Variants in TECRL observed in about 807,000 individuals in gnomAD.
TECRL encodes the protein trans-2,3-enoyl-CoA reductase like.
A neutral mutation model predicts 52.8 loss-of-function variants in TECRL; 63 were observed. The ratio of observed to expected loss-of-function variants is 1.19; its 90% confidence interval spans 0.97 to 1.47. The LOEUF (loss-of-function observed/expected upper bound fraction) is 1.47, where lower values mean the gene tolerates loss of function less well. Ranked by LOEUF, TECRL falls within the 40% of genes most tolerant of loss-of-function variation. TECRL has a pLI of 0.00. For synonymous variants in TECRL, 164 were observed against 141.9 expected, an observed-to-expected ratio of 1.16 and a Z score of -1.10; for missense variants, 482 against 429.6, an observed-to-expected ratio of 1.12 and a Z score of -1.08.
chr4:64,293,143 A>G (rs912087764), intron 8 of TECRL, among the ~76,000 whole-genome samples: 1 of 152,138 alleles, frequency 6.6e-6, no homozygotes. Context: ...CATAAGGATA[A>G]ATACAAAATA....
chr4:64,341,977 T>C (rs575645465), intron 2 of TECRL, among the ~76,000 whole-genome samples: 1 of 152,176 alleles, frequency 6.6e-6, no homozygotes, highest in African/African-American at 2.4e-5. Context: ...CAGTTTCCCT[T>C]CGAGGTGTGG....
At chr4:64,346,068 C>A in intron 2 of TECRL, among the ~76,000 whole-genome samples, 1 of 151,896 alleles carries the variant, frequency 6.6e-6, no homozygotes, top group Non-Finnish European at 1.5e-5. Flanking sequence ...AACATTCTTT[C>A]CAGACAAATT....
intron 2 of TECRL, among the ~76,000 whole-genome samples, chr4:64,351,167 G>A (rs145564281): frequency 1.1e-4 from 16 of 150,666 alleles, no homozygotes; most frequent in Non-Finnish European, 2.1e-4. Flanking sequence ...GGCATGAAGA[G>A]AGATTGGTTA....
intron 7 of TECRL, among the ~76,000 whole-genome samples, chr4:64,303,814 C>T (rs978797672): frequency 1.1e-4 from 16 of 151,804 alleles, no homozygotes; most frequent in Admixed American, 7.2e-4. Flanking sequence ...ATGTATATTA[C>T]AACCATGTTA....
chr4:64,397,114 A>C (rs1410715124), intron 1 of TECRL, among the ~76,000 whole-genome samples: 1 of 152,172 alleles, frequency 6.6e-6, no homozygotes, highest in Non-Finnish European at 1.5e-5. Context: ...AACAACAAAA[A>C]AAAATTTATC....
At chr4:64,312,992 G>A (rs1388962324) in intron 5 of TECRL, among the ~76,000 whole-genome samples, 1 of 152,110 alleles carries the variant, frequency 6.6e-6, no homozygotes, top group Non-Finnish European at 1.5e-5. Flanking sequence ...ATAATTGTAA[G>A]TTTCTTGAGG....
At chr4:64,407,195 G>GAGC (rs1428560597) in intron 1 of TECRL, among the ~76,000 whole-genome samples, 1 of 151,932 alleles carries the variant, frequency 6.6e-6, no homozygotes, top group African/African-American at 2.4e-5. Context: ...AAAGGATTAT[G>GAGC]AGCTATCCAG....
At chr4:64,400,732 C>G (rs911652579) in intron 1 of TECRL, among the ~76,000 whole-genome samples, 8 of 152,154 alleles carry the variant, frequency 5.3e-5, no homozygotes, top group African/African-American at 1.9e-4. Flanking sequence ...CTCTCTTCCT[C>G]TTTTCTCCTG....
At chr4:64,291,973 T>C (rs932068186) in intron 8 of TECRL, among the ~76,000 whole-genome samples, 2 of 152,000 alleles carry the variant, frequency 1.3e-5, no homozygotes, top group Non-Finnish European at 2.9e-5. Flanking sequence ...TTAAGGATTT[T>C]AAAGAGCAAT....
intron 1 of TECRL, among the ~76,000 whole-genome samples, chr4:64,385,235 T>G (rs1175154102): frequency 6.6e-6 from 1 of 152,140 alleles, no homozygotes; most frequent in Non-Finnish European, 1.5e-5. Context: ...CTTAAGCTCC[T>G]GAACAGCATG....
At chr4:64,305,087 C>G in intron 7 of TECRL, 79 bp downstream of exon 7, 1 of 979,584 alleles carries the variant, frequency 1.0e-6, no homozygotes, top group South Asian at 2.1e-5. Context: ...TTTACTTATT[C>G]CTTTATGTAT....
chr4:64,327,485 G>T (rs984999438), intron 3 of TECRL, among the ~76,000 whole-genome samples: 1 of 152,046 alleles, frequency 6.6e-6, no homozygotes, highest in Non-Finnish European at 1.5e-5. Flanking sequence ...GTATTGAAAG[G>T]CACTTATGTG....
intron 1 of TECRL, among the ~76,000 whole-genome samples, chr4:64,378,292 T>G (rs2109693087): frequency 6.6e-6 from 1 of 152,112 alleles, no homozygotes; most frequent in South Asian, 2.1e-4. Context: ...TAGGCCAGAC[T>G]TGGTGGCTCA....
chr4:64,299,644 G>A (rs1427074723), intron 8 of TECRL, among the ~76,000 whole-genome samples: 1 of 150,884 alleles, frequency 6.6e-6, no homozygotes, highest in Admixed American at 6.6e-5. Flanking sequence ...TGGGGTGTTT[G>A]TCTGTAAGAT....
Position 64,378,944 on chromosome 4 carries a change from TA to T in TECRL, c.235-3722del, listed in dbSNP as rs1388664092. ...AAATTAGTTCTTTGTTAAGTAAAAC[TA>T]TATGTATATACATATATATGTATGC... is the stretch of plus-strand genomic sequence containing the variant. On this transcript the variant is annotated intron_variant, in intron 1 of 11. Transcript: ENST00000381210. 0.02 allele frequency among the ~76,000 whole-genome samples: 68 copies of T among 3,440 alleles called. No individual in the cohort carries two copies. The Middle Eastern group carries it at 0.5, about 25-fold the overall frequency. 2.3% of individuals were successfully genotyped at this position (3,440 alleles called of 152,430 possible).
At position 64,355,167 on chromosome 4, in the gene TECRL, T is replaced by A. The variant is rs115925360; in HGVS notation, c.286+20005A>T. On this transcript the variant is annotated intron_variant, in intron 2 of 11. Transcript: ENST00000381210. ...AGGAAACAGAGAAAAGTTGGATAGGTCATTATAAAACAAAGAAGAATGAAA... is the reference window on the plus strand; with the variant it reads ...AGGAAACAGAGAAAAGTTGGATAGGACATTATAAAACAAAGAAGAATGAAA... Among the ~76,000 whole-genome samples, 1,041 of 152,154 alleles carry A rather than the reference T, an allele frequency of 6.8e-3. 5 individuals carry two copies. The highest frequency in any genetic ancestry group is 0.012 in the Non-Finnish European group (828 of 68,004).
chr4:64,344,989 A>G (rs1401152374), intron 2 of TECRL, among the ~76,000 whole-genome samples: 1 of 152,206 alleles, frequency 6.6e-6, no homozygotes, highest in African/African-American at 2.4e-5. Context: ...GAGAAATGCA[A>G]ATCAAAACCA....
At chr4:64,383,588 T>G (rs1722965891) in intron 1 of TECRL, among the ~76,000 whole-genome samples, 1 of 152,036 alleles carries the variant, frequency 6.6e-6, no homozygotes, top group Non-Finnish European at 1.5e-5. Context: ...TTCTTCAGTT[T>G]AAATCTTTTT....
intron 2 of TECRL, among the ~76,000 whole-genome samples, chr4:64,368,426 G>A (rs1721758135): frequency 7.0e-6 from 1 of 142,758 alleles, no homozygotes; most frequent in African/African-American, 2.5e-5. Context: ...CTCCTGAGTA[G>A]CTGGGATTAC....
Sources: gnomAD v4.1 joint callset for allele counts (sites outside exome capture counted in the v4.1 genomes callset) on GRCh38, gnomAD v4.1.1 for gene constraint, MANE v1.5 for transcripts, NCBI Gene and HGNC (gene_info 2026-07-23, HGNC 2026-07-21) for gene names.